GRIN2B: variants seen among roughly 807,000 people sequenced by gnomAD.
GRIN2B encodes glutamate receptor ionotropic, NMDA 2B.
GRIN2B carries 5 observed loss-of-function variants against 114.5 expected under a neutral mutation model. The observed-to-expected ratio is 0.04, with a 90% confidence interval of 0.02 to 0.09. The LOEUF (loss-of-function observed/expected upper bound fraction) is 0.09, where lower values mean the gene tolerates loss of function less well. Among genes scored for constraint, GRIN2B ranks in the 10% least tolerant of loss-of-function variants. The probability of loss-of-function intolerance (pLI) is 1.00; values close to 1 mark genes in which losing one functional copy is unlikely to be tolerated. For missense variants in GRIN2B, 1,108 were observed against 1,943.5 expected (o/e 0.57, Z 8.08); for synonymous variants, 787 against 745.1 (o/e 1.06, Z -0.92).
chr12:13,959,144 G>C lies in GRIN2B; in HGVS notation c.-19+20784C>G, dbSNP rs1393272819. On this transcript the variant is annotated intron_variant, in intron 2 of 13. Transcript: ENST00000609686. ...AGAATCTGGTGGGTTATTCAGGAAA[G>C]TTTCTTAGGGGAGTTCAAAATTGAG... Among the ~76,000 whole-genome samples, 5 of 152,308 alleles carry C rather than the reference G, an allele frequency of 3.3e-5. No homozygotes were observed. In the East Asian group the frequency reaches 9.6e-4, roughly 29 times the overall value.
chr12:13,609,665 C>A (rs926542653), intron 9 of GRIN2B, among the ~76,000 whole-genome samples: 2 of 151,678 alleles, frequency 1.3e-5, no homozygotes, highest in South Asian at 2.1e-4. Context: ...CCCAGCTATT[C>A]GGGAGCCTGA....
chr12:13,946,360 A>G (rs900658881), intron 2 of GRIN2B, among the ~76,000 whole-genome samples: 2 of 152,114 alleles, frequency 1.3e-5, no homozygotes, highest in Admixed American at 1.3e-4. Context: ...ATCTACCACC[A>G]TCCATTTTTA....
At chr12:13,706,517 C>T (rs1950361218) in intron 4 of GRIN2B, among the ~76,000 whole-genome samples, 1 of 152,134 alleles carries the variant, frequency 6.6e-6, no homozygotes, top group Admixed American at 6.6e-5. Flanking sequence ...CGACATGCCT[C>T]CCATAGATCT....
intron 2 of GRIN2B, among the ~76,000 whole-genome samples, chr12:13,902,810 C>T (rs929892180): frequency 1.3e-5 from 2 of 152,146 alleles, no homozygotes; most frequent in African/African-American, 4.8e-5. Context: ...GACTCCCTCT[C>T]AAATAATAAT....
intron 3 of GRIN2B, among the ~76,000 whole-genome samples, chr12:13,840,501 G>A (rs1361568519): frequency 6.6e-6 from 1 of 151,826 alleles, no homozygotes; most frequent in Admixed American, 6.6e-5. Context: ...ACATCTCTGG[G>A]CCCCAGTTTT....
intron 3 of GRIN2B, among the ~76,000 whole-genome samples, chr12:13,779,001 C>T (rs1454290702): frequency 6.6e-6 from 1 of 152,168 alleles, no homozygotes; most frequent in African/African-American, 2.4e-5. Context: ...AGCTTCCTTT[C>T]CTTAACGCGA....
intron 2 of GRIN2B, among the ~76,000 whole-genome samples, chr12:13,881,900 T>C (rs1308071161): frequency 6.6e-6 from 1 of 152,182 alleles, no homozygotes; most frequent in South Asian, 2.1e-4. Flanking sequence ...GACAGGAACA[T>C]ACCTGATTCA....
intron 4 of GRIN2B, among the ~76,000 whole-genome samples, chr12:13,723,374 C>A (rs1392096676): frequency 6.6e-6 from 1 of 151,738 alleles, no homozygotes. Context: ...GATGAATGAC[C>A]ACTTGCTGTC....
intron 2 of GRIN2B, among the ~76,000 whole-genome samples, chr12:13,875,922 C>G (rs1270282037): frequency 6.6e-6 from 1 of 152,128 alleles, no homozygotes; most frequent in Non-Finnish European, 1.5e-5. Flanking sequence ...GGAATGGGAT[C>G]CTATCTCCAA....
chr12:13,631,463 C>T (rs914889108), intron 5 of GRIN2B, among the ~76,000 whole-genome samples: 22 of 152,106 alleles, frequency 1.4e-4, no homozygotes, highest in African/African-American at 5.1e-4. Flanking sequence ...TGCCTTGAAA[C>T]TAGCTACTCC....
intron 5 of GRIN2B, among the ~76,000 whole-genome samples, chr12:13,670,650 C>G (rs778571998): frequency 1.3e-5 from 2 of 152,166 alleles, no homozygotes; most frequent in Non-Finnish European, 2.9e-5. Context: ...GTTTATGCAG[C>G]TGTCCCCCAC....
chr12:13,606,844 A>C (rs568137897), intron 10 of GRIN2B, among the ~76,000 whole-genome samples: 68 of 152,216 alleles, frequency 4.5e-4, no homozygotes, highest in Middle Eastern at 3.4e-3. Flanking sequence ...TATATAAATA[A>C]ATGTATCATA....
Position 13,735,029 on chromosome 12 carries a change from A to G in GRIN2B, c.1010+18288T>C, listed in dbSNP as rs980452595. ...AGGGTAGTTAAATAAGATAAGCCCAATTATGAAGGTTAAGGCCGGATATTC... is the reference window on the plus strand; with the variant it reads ...AGGGTAGTTAAATAAGATAAGCCCAGTTATGAAGGTTAAGGCCGGATATTC... On this transcript the variant is annotated intron_variant, in intron 4 of 13. Transcript: ENST00000609686. 4.6e-5 allele frequency among the ~76,000 whole-genome samples: 7 copies of G among 152,216 alleles called. No individual in the cohort carries two copies. The South Asian group carries it at 8.3e-4, about 18-fold the overall frequency.
Position 13,666,370 on chromosome 12 carries a change from A to G in GRIN2B, c.1125+9375T>C, listed in dbSNP as rs1012347091. 3.9e-5 allele frequency among the ~76,000 whole-genome samples: 6 copies of G among 152,146 alleles called. No individual in the cohort carries two copies. The South Asian group carries it at 1.2e-3, about 32-fold the overall frequency. On this transcript the variant is annotated intron_variant, in intron 5 of 13. Coordinates refer to ENST00000609686, the MANE Select transcript of GRIN2B (RefSeq NM_000834.5). ...ACACCTGGCCACAGAAGAGAGAGGG[A>G]GGGTGGAAGGAAAGTAGAAAAGCTC...
intron 5 of GRIN2B, among the ~76,000 whole-genome samples, chr12:13,654,392 G>T (rs899933386): frequency 1.1e-4 from 17 of 152,108 alleles, no homozygotes; most frequent in African/African-American, 4.1e-4. Context: ...CCCAACAATG[G>T]TTAACTAATT....
intron 2 of GRIN2B, among the ~76,000 whole-genome samples, chr12:13,946,760 C>A (rs1042201639): frequency 1.3e-5 from 2 of 151,764 alleles, no homozygotes; most frequent in African/African-American, 2.4e-5. Flanking sequence ...TGTATTTTAC[C>A]ACAGTTTAAA....
At chr12:13,726,341 C>G (rs970844642) in intron 4 of GRIN2B, among the ~76,000 whole-genome samples, 11 of 151,906 alleles carry the variant, frequency 7.2e-5, no homozygotes, top group Middle Eastern at 6.8e-3. Context: ...TTGAGACCAG[C>G]CTGGCCAACA....
intron 3 of GRIN2B, among the ~76,000 whole-genome samples, chr12:13,864,324 A>G (rs933612200): frequency 6.6e-6 from 1 of 152,142 alleles, no homozygotes; most frequent in Non-Finnish European, 1.5e-5. Context: ...CAGCTGCTCC[A>G]CTGCGGAGGT....
At chr12:13,718,071 G>A (rs1415543549) in intron 4 of GRIN2B, among the ~76,000 whole-genome samples, 2 of 152,002 alleles carry the variant, frequency 1.3e-5, no homozygotes, top group Non-Finnish European at 2.9e-5. Context: ...TGGAAAGGAA[G>A]TCTTTGCCTC....
Sources: allele counts gnomAD v4.1 joint callset (sites outside exome capture counted in the v4.1 genomes callset), GRCh38; gene constraint gnomAD v4.1.1; transcripts MANE v1.5; gene names NCBI Gene and HGNC (gene_info 2026-07-23, HGNC 2026-07-21).